Variants in GUCY1A1 observed in about 807,000 individuals in gnomAD.
The protein encoded by GUCY1A1 is guanylate cyclase 1 soluble subunit alpha 1.
A neutral mutation model predicts 64.5 loss-of-function variants in GUCY1A1; 48 were observed. That is an observed-to-expected ratio of 0.74 (90% CI 0.59 to 0.95). The LOEUF (loss-of-function observed/expected upper bound fraction) is 0.95. Ranked by LOEUF, GUCY1A1 falls within the 40% of genes least tolerant of loss-of-function variation. GUCY1A1 has a pLI of 0.00. For missense variants in GUCY1A1, 804 were observed against 825.3 expected (o/e 0.97, Z 0.32); for synonymous variants, 308 against 303.4 (o/e 1.02, Z -0.16).
intron 4 of GUCY1A1, among the ~76,000 whole-genome samples, chr4:155,707,933 G>A (rs188939415): frequency 2.9e-3 from 431 of 151,164 alleles, no homozygotes; most frequent in Non-Finnish European, 4.2e-3. Flanking sequence ...GCCAGGTCCC[G>A]GTTCAAGTAA....
intron 2 of GUCY1A1, among the ~76,000 whole-genome samples, chr4:155,676,300 GT>G (rs10532055): frequency 0.22 from 30,902 of 140,858 alleles, 4,263 homozygotes; most frequent in East Asian, 0.55. Context: ...AGAAGAGCTG[GT>G]TTTTTTTTTT....
At position 155,713,935 on chromosome 4, in the gene GUCY1A1, C is replaced by T. The variant is rs561041614; in HGVS notation, c.1572+352C>T. On this transcript the variant is annotated intron_variant, in intron 7 of 9. Coordinates refer to ENST00000506455, the MANE Select transcript of GUCY1A1 (RefSeq NM_001130682.3). ...GAATCTGCCACTTCACTGTGGAAAC[C>T]GAGTTGAATTATTAAGTGTGAGATA... Among the ~76,000 whole-genome samples the T allele has an allele frequency of 1.0e-3, 158 of 152,108 alleles. 1 individual carries two copies. The highest frequency in any genetic ancestry group is 3.3e-3 in the African/African-American group (136 of 41,486).
chr4:155,676,870 C>A (rs1340040208), intron 2 of GUCY1A1, among the ~76,000 whole-genome samples: 2 of 151,442 alleles, frequency 1.3e-5, no homozygotes, highest in Non-Finnish European at 2.9e-5. Flanking sequence ...CTCTGCCTCG[C>A]TATTTCCTAT....
At chr4:155,689,797 G>T (rs116476685) in intron 2 of GUCY1A1, among the ~76,000 whole-genome samples, 81 of 152,302 alleles carry the variant, frequency 5.3e-4, no homozygotes, top group Non-Finnish European at 9.6e-4. Flanking sequence ...GAGTCGGGGG[G>T]CAGGGGCACT....
chr4:155,698,933 A>G (rs929947599), intron 3 of GUCY1A1, among the ~76,000 whole-genome samples: 1 of 151,964 alleles, frequency 6.6e-6, no homozygotes, highest in African/African-American at 2.4e-5. Context: ...TGATGTTTAC[A>G]TTTTGCTCAT....
intron 2 of GUCY1A1, among the ~76,000 whole-genome samples, chr4:155,669,811 A>G (rs533274064): frequency 1.3e-5 from 2 of 152,174 alleles, no homozygotes; most frequent in Non-Finnish European, 1.5e-5. Flanking sequence ...TTCAGAAACT[A>G]TACAAGGGAA....
chr4:155,710,265 T>C (rs1419051418), intron 5 of GUCY1A1, among the ~76,000 whole-genome samples: 4 of 152,172 alleles, frequency 2.6e-5, no homozygotes. Flanking sequence ...TATTCTTTTG[T>C]AGTTAGGTTT....
chr4:155,679,186 G>GT (rs1553993878), intron 2 of GUCY1A1, among the ~76,000 whole-genome samples: 2,325 of 68,624 alleles, frequency 0.034, 21 homozygotes, highest in Non-Finnish European at 0.062. Flanking sequence ...AATATTTCAT[G>GT]TTTTTTTTTT....
rs1160688274 is a variant in GUCY1A1, at chr4:155,734,593, A to C, written c.*4362A>C. 6.6e-6 allele frequency: 1 copy of C among 151,926 alleles called. No homozygotes were observed. The highest frequency in any genetic ancestry group is 1.5e-5 in the Non-Finnish European group (1 of 67,904). The allele number at this position is 151,926 out of a possible 1,614,324, so 9.4% of individuals were successfully genotyped here. Reference sequence around the variant, plus strand: ...TGGTTGTACTTGGACAGTTAAATGAAGACTGTCTTTAAGGGTGCAGGGATG... The same window carrying C: ...TGGTTGTACTTGGACAGTTAAATGACGACTGTCTTTAAGGGTGCAGGGATG... On this transcript the variant is annotated 3_prime_UTR_variant, in exon 10 of 10. Transcript: ENST00000506455.
intron 8 of GUCY1A1, among the ~76,000 whole-genome samples, chr4:155,718,834 G>A (rs1431881669): frequency 6.6e-6 from 1 of 152,170 alleles, no homozygotes; most frequent in Non-Finnish European, 1.5e-5. Flanking sequence ...CCAGAAGAGA[G>A]AGGGCTCAGA....
chr4:155,679,132 A>AT (rs942664422), intron 2 of GUCY1A1, among the ~76,000 whole-genome samples: 18 of 149,190 alleles, frequency 1.2e-4, no homozygotes, highest in Middle Eastern at 3.3e-3. Flanking sequence ...GAGCCAAAGT[A>AT]TTTTTTTTAT....
Position 155,697,067 on chromosome 4 carries a change from G to C in GUCY1A1, c.200G>C (p.Ser67Thr), listed in dbSNP as rs370171328. Residue 67 changes from serine (S) to threonine (T), a missense_variant, in exon 3 of 10, where the codon AGC becomes ACC. Coordinates refer to ENST00000506455, the MANE Select transcript of GUCY1A1 (RefSeq NM_001130682.3). ...ESLPQRKTSRSRVYLHTLAES... is the reference protein window; with the variant it reads ...ESLPQRKTSRTRVYLHTLAES... ...CTTCCTCAAAGAAAAACCAGTCGGA[G>C]CCGAGTCTATCTTCACACTTTGGCA... is the stretch of plus-strand genomic sequence containing the variant. 4 of 1,613,386 alleles carry C rather than the reference G, an allele frequency of 2.5e-6. No individual in the cohort carries two copies. The African/African-American group carries it at 5.3e-5, about 22-fold the overall frequency.
chr4:155,692,290 A>T (rs1359011749), intron 2 of GUCY1A1, among the ~76,000 whole-genome samples: 2 of 152,158 alleles, frequency 1.3e-5, no homozygotes, highest in African/African-American at 4.8e-5. Context: ...AATGATTTAT[A>T]TTCTTTTGGG....
chr4:155,697,457 G>A (rs889516030), intron 3 of GUCY1A1, among the ~76,000 whole-genome samples: 4 of 152,166 alleles, frequency 2.6e-5, no homozygotes, highest in Admixed American at 6.5e-5. Flanking sequence ...CAGTTTTAAT[G>A]AGTTTTAAGT....
intron 6 of GUCY1A1, among the ~76,000 whole-genome samples, chr4:155,712,092 C>G (rs1560952155): frequency 6.6e-6 from 1 of 152,048 alleles, no homozygotes; most frequent in Non-Finnish European, 1.5e-5. Flanking sequence ...ATTTGGCTTT[C>G]TTGGAGTCTT....
Position 155,684,232 on chromosome 4 carries a change from G to A in GUCY1A1, c.-112-12524G>A, listed in dbSNP as rs141502492. 3.5e-4 allele frequency among the ~76,000 whole-genome samples: 54 copies of A among 152,254 alleles called. 1 individual carries two copies. In the East Asian group the frequency reaches 4.8e-3, roughly 14 times the overall value. On this transcript the variant is annotated intron_variant, in intron 2 of 9. Transcript: ENST00000506455. ...ATATAGTTGTGGGTTTGGATTTAAT[G>A]GGAAAAGACTCAGCCTTTCTCAATA...
Position 155,733,422 on chromosome 4 carries a change from G to A in GUCY1A1, c.*3191G>A, listed in dbSNP as rs374546656. ...GTTACCTGGGATGAGTTGGGAGGGA[G>A]GAGAATAAGGACAAAAGACCATCTG... On this transcript the variant is annotated 3_prime_UTR_variant, in exon 10 of 10. Coordinates refer to ENST00000506455, the MANE Select transcript of GUCY1A1 (RefSeq NM_001130682.3). 1.0e-3 allele frequency among the ~76,000 whole-genome samples: 153 copies of A among 151,808 alleles called. 1 individual carries two copies. Among genetic ancestry groups the A allele is most frequent in the African/African-American group, 3.6e-3 (148 of 41,456 alleles).
intron 2 of GUCY1A1, among the ~76,000 whole-genome samples, chr4:155,670,898 G>C (rs552644671): frequency 4.6e-5 from 7 of 152,104 alleles, no homozygotes; most frequent in African/African-American, 1.2e-4. Flanking sequence ...ACCTTCTTAG[G>C]GGGGAAGCAA....
chr4:155,696,610 C>T (rs1730441188), intron 2 of GUCY1A1, 146 bp from the exon 3 acceptor site: 2 of 365,538 alleles, frequency 5.5e-6, no homozygotes, highest in Non-Finnish European at 9.8e-6. Context: ...TGCCAAATGT[C>T]CTGCTCATTT....
Sources: allele counts gnomAD v4.1 joint callset (sites outside exome capture counted in the v4.1 genomes callset), GRCh38; gene constraint gnomAD v4.1.1; transcripts MANE v1.5; gene names NCBI Gene and HGNC (gene_info 2026-07-23, HGNC 2026-07-21).